Variants in HPSE2 observed in about 807,000 individuals in gnomAD.
The protein encoded by HPSE2 is inactive heparanase-2.
HPSE2 carries 38 observed loss-of-function variants against 60.5 expected under a neutral mutation model. The observed-to-expected ratio is 0.63, with a 90% CI of 0.48 to 0.82. HPSE2 has a LOEUF of 0.82. Ranked by LOEUF, HPSE2 falls within the 40% of genes least tolerant of loss-of-function variation. The probability of loss-of-function intolerance (pLI) is 0.00; values close to 1 mark genes in which losing one functional copy is unlikely to be tolerated. For synonymous variants in HPSE2, 295 were observed against 293.2 expected (o/e 1.01, Z -0.06); for missense variants, 713 against 740.4 (o/e 0.96, Z 0.43).
chr10:99,282,481 G>A, the HPSE2 span, among the ~76,000 whole-genome samples: 3 of 152,044 alleles, frequency 2.0e-5, no homozygotes, highest in African/African-American at 4.8e-5. Flanking sequence ...GAAGATCACC[G>A]AGGACATAGA....
intron 2 of HPSE2, among the ~76,000 whole-genome samples, chr10:99,172,242 AT>A (rs1376444446): frequency 6.6e-6 from 1 of 151,876 alleles, no homozygotes; most frequent in Non-Finnish European, 1.5e-5. Flanking sequence ...AAACATCTGA[AT>A]TTTTTTTATA....
intron 3 of HPSE2, among the ~76,000 whole-genome samples, chr10:98,802,830 AT>A (rs1950947922): frequency 7.0e-6 from 1 of 143,236 alleles, no homozygotes. Context: ...CTTTGGGTAT[AT>A]ACCCAGTAAT....
intron 3 of HPSE2, among the ~76,000 whole-genome samples, chr10:98,996,231 G>A (rs965594002): frequency 9.2e-5 from 14 of 152,118 alleles, no homozygotes; most frequent in Admixed American, 7.9e-4. Flanking sequence ...GAAAAGTTGA[G>A]TGAAGGTTTA....
chr10:98,780,529 G>A (rs1172162724), intron 3 of HPSE2, among the ~76,000 whole-genome samples: 1 of 152,116 alleles, frequency 6.6e-6, no homozygotes, highest in Non-Finnish European at 1.5e-5. Flanking sequence ...ATCAATAGCA[G>A]TTTTGTTTGA....
intron 3 of HPSE2, among the ~76,000 whole-genome samples, chr10:98,860,436 C>T (rs75860480): frequency 0.015 from 2,239 of 152,218 alleles, 49 homozygotes; most frequent in African/African-American, 0.051. Flanking sequence ...CTCTCCCCGA[C>T]AAGAAAAACC....
At chr10:99,044,410 G>A (rs963825715) in intron 3 of HPSE2, among the ~76,000 whole-genome samples, 4 of 152,114 alleles carry the variant, frequency 2.6e-5, no homozygotes, top group African/African-American at 9.7e-5. Flanking sequence ...ACACACTTAA[G>A]CACATATGCC....
Position 98,930,258 on chromosome 10 carries a change from A to T in HPSE2, c.611-186202T>A, listed in dbSNP as rs973709488. On this transcript the variant is annotated intron_variant, in intron 3 of 11. Coordinates refer to ENST00000370552, the MANE Select transcript of HPSE2 (RefSeq NM_021828.5). ...GTGTTTGGTTTTCTGTTCCTGTGTT[A>T]GTCTGCTGAGGATAATGGCTTCCAG... Among the ~76,000 whole-genome samples, 15 of 143,740 alleles carry T rather than the reference A, an allele frequency of 1.0e-4. 3 individuals are homozygous for T. The highest frequency in any genetic ancestry group is 4.3e-4 in the African/African-American group (15 of 35,274). The allele number at this position is 143,740 out of a possible 152,430, so 94.3% of individuals were successfully genotyped here.
intron 11 of HPSE2, among the ~76,000 whole-genome samples, chr10:98,463,724 G>A (rs999198988): frequency 1.3e-5 from 2 of 152,218 alleles, no homozygotes; most frequent in Admixed American, 1.3e-4. Context: ...AGGATTGCTT[G>A]AGCCCAGGAC....
chr10:98,896,947 T>C (rs530164780), intron 3 of HPSE2, among the ~76,000 whole-genome samples: 1 of 152,308 alleles, frequency 6.6e-6, no homozygotes, highest in African/African-American at 2.4e-5. Flanking sequence ...AGAAGTTGAA[T>C]TAATAATGAC....
chr10:98,470,864 T>C (rs185122992), intron 11 of HPSE2, among the ~76,000 whole-genome samples: 76 of 152,288 alleles, frequency 5.0e-4, no homozygotes, highest in African/African-American at 1.8e-3. Flanking sequence ...GGGAGTGAAC[T>C]GGAGGAAAAT....
intron 3 of HPSE2, among the ~76,000 whole-genome samples, chr10:98,931,280 G>A (rs1302299967): frequency 2.1e-5 from 3 of 143,632 alleles, no homozygotes; most frequent in Non-Finnish European, 4.5e-5. Flanking sequence ...GATAGCTGTA[G>A]ATGGGCAGTT....
intron 3 of HPSE2, among the ~76,000 whole-genome samples, chr10:98,855,047 A>G (rs1307485296): frequency 6.6e-6 from 1 of 152,176 alleles, no homozygotes; most frequent in Non-Finnish European, 1.5e-5. Flanking sequence ...AGAAAGTTAA[A>G]AAATCTCAGG....
chr10:99,252,804 G>A, the HPSE2 span, among the ~76,000 whole-genome samples: 1 of 151,666 alleles, frequency 6.6e-6, no homozygotes, highest in African/African-American at 2.4e-5. Context: ...ATGAACCTGG[G>A]AGGCAGAGCT....
intron 2 of HPSE2, among the ~76,000 whole-genome samples, chr10:99,174,664 A>T (rs527763873): frequency 6.6e-6 from 1 of 152,318 alleles, no homozygotes; most frequent in Non-Finnish European, 1.5e-5. Context: ...GATGCATTGT[A>T]TCCACCTAAA....
chr10:98,973,283 T>C (rs144998935), intron 3 of HPSE2, among the ~76,000 whole-genome samples: 23 of 152,320 alleles, frequency 1.5e-4, no homozygotes, highest in Non-Finnish European at 2.4e-4. Flanking sequence ...CAATTTTCTA[T>C]GTTTAAGCTA....
At chr10:99,101,459 C>A (rs564097471) in intron 3 of HPSE2, among the ~76,000 whole-genome samples, 3 of 152,170 alleles carry the variant, frequency 2.0e-5, no homozygotes, top group Non-Finnish European at 4.4e-5. Context: ...TATATATGCA[C>A]CCAATACAGG....
intron 3 of HPSE2, among the ~76,000 whole-genome samples, chr10:98,939,489 C>A (rs1316898287): frequency 2.1e-5 from 3 of 142,960 alleles, no homozygotes; most frequent in Non-Finnish European, 4.5e-5. Context: ...CAAAGAAGGC[C>A]ATTACATAAT....
At chr10:99,264,966 GT>G in the HPSE2 span, among the ~76,000 whole-genome samples, 1 of 151,948 alleles carries the variant, frequency 6.6e-6, no homozygotes, top group Non-Finnish European at 1.5e-5. Context: ...TCACCATTTT[GT>G]TTTTTCTTAT....
chr10:99,130,357 A>G (rs1845333572), intron 3 of HPSE2, among the ~76,000 whole-genome samples: 1 of 152,176 alleles, frequency 6.6e-6, no homozygotes, highest in African/African-American at 2.4e-5. Flanking sequence ...TCCCTGATGA[A>G]CATAGATCCA....
Sources: gnomAD v4.1 joint callset for allele counts (sites outside exome capture counted in the v4.1 genomes callset) on GRCh38, gnomAD v4.1.1 for gene constraint, MANE v1.5 for transcripts, NCBI Gene and HGNC (gene_info 2026-07-23, HGNC 2026-07-21) for gene names.